Variants in EML6 observed in about 807,000 individuals in gnomAD.
EML6 encodes the protein EMAP like 6.
Under a neutral mutation model 240.1 loss-of-function variants are expected in EML6, and 154 were observed. The ratio of observed to expected loss-of-function variants is 0.64; its 90% CI spans 0.56 to 0.73. The LOEUF (loss-of-function observed/expected upper bound fraction) is 0.73. Ranked by LOEUF, EML6 falls within the 30% of genes least tolerant of loss-of-function variation. The pLI is 0.00. For synonymous variants in EML6, 1,148 were observed against 899.0 expected (o/e 1.28, Z -4.95); for missense variants, 2,964 against 2,474.6 (o/e 1.20, Z -4.20).
chr2:54,895,433 A>G, intron 21 of EML6, 33 bp downstream of exon 21: 1 of 1,549,822 alleles, frequency 6.5e-7, no homozygotes, highest in Non-Finnish European at 8.7e-7. Flanking sequence ...ACTGCAGTTC[A>G]CATCAAGGCT....
chr2:54,913,593 G>C (rs1427153415), intron 25 of EML6, among the ~76,000 whole-genome samples: 1 of 152,112 alleles, frequency 6.6e-6, no homozygotes, highest in Non-Finnish European at 1.5e-5. Context: ...CTCCCATTCT[G>C]TAGGTTGTCT....
intron 26 of EML6, among the ~76,000 whole-genome samples, chr2:54,924,901 T>C (rs1486880962): frequency 6.6e-6 from 1 of 152,148 alleles, no homozygotes; most frequent in South Asian, 2.1e-4. Flanking sequence ...TGGCACACTT[T>C]CCTTCCCAAA....
intron 17 of EML6, among the ~76,000 whole-genome samples, chr2:54,887,663 T>G (rs1041316139): frequency 6.6e-6 from 1 of 152,388 alleles, no homozygotes; most frequent in East Asian, 1.9e-4. Context: ...CTAAATAGTT[T>G]AGAATCTATC....
At chr2:54,961,332 C>T (rs1676504075) in intron 35 of EML6, among the ~76,000 whole-genome samples, 3 of 150,836 alleles carry the variant, frequency 2.0e-5, no homozygotes. Flanking sequence ...TTACAGGTGC[C>T]CACCACCATG....
intron 12 of EML6, 61 bp downstream of exon 12, chr2:54,859,762 G>T: frequency 7.2e-7 from 1 of 1,384,360 alleles, no homozygotes; most frequent in East Asian, 2.5e-5. Flanking sequence ...TCAAAGAATG[G>T]TCTAACATGT....
chr2:54,802,668 G>GCTA (rs1160838637), intron 2 of EML6, among the ~76,000 whole-genome samples: 882 of 69,308 alleles, frequency 0.013, 3 homozygotes, highest in Non-Finnish European at 0.015. Flanking sequence ...TACTACTACT[G>GCTA]CTACTACTAC....
chr2:54,940,659 G>A (rs1001117270), intron 28 of EML6, among the ~76,000 whole-genome samples: 1 of 152,208 alleles, frequency 6.6e-6, no homozygotes, highest in Non-Finnish European at 1.5e-5. Context: ...AAGATGCTGT[G>A]CAAGTCCATT....
chr2:54,840,410 A>G (rs1447018151), intron 7 of EML6, among the ~76,000 whole-genome samples: 2 of 152,288 alleles, frequency 1.3e-5, no homozygotes, highest in East Asian at 1.9e-4. Context: ...ATGTATGTGT[A>G]TATAGGTACA....
At chr2:54,790,762 G>T in intron 2 of EML6, among the ~76,000 whole-genome samples, 1 of 125,828 alleles carries the variant, frequency 7.9e-6, no homozygotes, top group African/African-American at 3.0e-5. Context: ...GTTACGCTCT[G>T]TCGCCCAGGC....
intron 28 of EML6, among the ~76,000 whole-genome samples, chr2:54,948,406 C>T (rs927671640): frequency 5.9e-5 from 9 of 152,240 alleles, no homozygotes; most frequent in South Asian, 2.1e-4. Flanking sequence ...GGGCCCTTTC[C>T]GCAGCCTGGC....
intron 28 of EML6, among the ~76,000 whole-genome samples, chr2:54,938,312 A>T (rs1463224482): frequency 6.6e-6 from 1 of 152,190 alleles, no homozygotes; most frequent in African/African-American, 2.4e-5. Flanking sequence ...TCTCAAAAAA[A>T]AGTTAGATGA....
chr2:54,802,357 G>C, intron 2 of EML6, among the ~76,000 whole-genome samples: 1 of 152,156 alleles, frequency 6.6e-6, no homozygotes, highest in Non-Finnish European at 1.5e-5. Context: ...AGGGTGCAGT[G>C]ACTCACGCCT....
In EML6 at chr2:54,841,526, G is replaced by A. The variant is rs145509795; in HGVS notation, c.848-2521G>A. Among the ~76,000 whole-genome samples, 43 of 150,544 alleles carry A rather than the reference G, an allele frequency of 2.9e-4. No homozygotes were observed. In the East Asian group the frequency reaches 6.3e-3, roughly 22 times the overall value. ...TCAAGATTATAGTTAGGATGTCCGCGTACCCCAAATTACCCCTTCTGTTGT... is the reference window on the plus strand; with the variant it reads ...TCAAGATTATAGTTAGGATGTCCGCATACCCCAAATTACCCCTTCTGTTGT... On this transcript the variant is annotated intron_variant, in intron 7 of 41. Coordinates refer to ENST00000356458, the MANE Select transcript of EML6 (RefSeq NM_001039753.4).
intron 3 of EML6, among the ~76,000 whole-genome samples, chr2:54,815,896 T>C (rs1668060741): frequency 1.3e-5 from 2 of 152,312 alleles, no homozygotes; most frequent in East Asian, 1.9e-4. Context: ...GGGAATACCA[T>C]ATTTTTAAAA....
intron 2 of EML6, among the ~76,000 whole-genome samples, chr2:54,734,052 G>T (rs1396251362): frequency 1.3e-5 from 2 of 152,130 alleles, no homozygotes; most frequent in South Asian, 2.1e-4. Context: ...AAATATTGGT[G>T]ATATGGCCAG....
In EML6 at chr2:54,816,875, A is replaced by G. The variant is rs942902529; in HGVS notation, c.446A>G (p.His149Arg). ...KGKLLASATG[H>R]SDRIFDISWD... ...AAACTTCTGGCGTCAGCCACCGGCCATTCTGACAGGGTAAGAACTTGTTGG... is the reference window on the plus strand; with the variant it reads ...AAACTTCTGGCGTCAGCCACCGGCCGTTCTGACAGGGTAAGAACTTGTTGG... Residue 149 changes from histidine (H) to arginine (R), a missense_variant, in exon 4 of 42, where the codon CAT (histidine) becomes CGT (arginine). Transcript: ENST00000356458. The G allele has an allele frequency of 6.4e-7, 1 of 1,550,452 alleles. No homozygotes were observed. The highest frequency in any genetic ancestry group is 1.2e-5 in the South Asian group (1 of 84,028).
At chr2:54,861,254 C>A (rs953058632) in intron 12 of EML6, among the ~76,000 whole-genome samples, 2 of 152,178 alleles carry the variant, frequency 1.3e-5, no homozygotes, top group Non-Finnish European at 2.9e-5. Flanking sequence ...TGGTCATACA[C>A]CAAGTGCCAC....
chr2:54,889,684 C>G (rs1440915745), intron 17 of EML6, among the ~76,000 whole-genome samples: 1 of 151,712 alleles, frequency 6.6e-6, no homozygotes, highest in African/African-American at 2.4e-5. Context: ...TTAAAATTTC[C>G]TTTTTAATTT....
At chr2:54,946,634 G>A (rs1675707767) in intron 28 of EML6, among the ~76,000 whole-genome samples, 1 of 152,176 alleles carries the variant, frequency 6.6e-6, no homozygotes, top group Admixed American at 6.5e-5. Context: ...TACTTGTATT[G>A]TGTTTTAACT....
Sources: allele counts gnomAD v4.1 joint callset (sites outside exome capture counted in the v4.1 genomes callset), GRCh38; gene constraint gnomAD v4.1.1; transcripts MANE v1.5; gene names NCBI Gene and HGNC (gene_info 2026-07-23, HGNC 2026-07-21).